The following INSYN2A variants were observed in gnomAD, a reference collection of about 807,000 sequenced individuals.
The protein encoded by INSYN2A is family with sequence similarity 196 member A.
A neutral mutation model predicts 39.4 loss-of-function variants in INSYN2A; 17 were observed. The observed-to-expected ratio is 0.43, with a 90% confidence interval of 0.30 to 0.65. The LOEUF is 0.65. Among genes scored for constraint, INSYN2A ranks in the 30% least tolerant of loss-of-function variants. The pLI is 0.14. For missense variants in INSYN2A, 595 were observed against 631.2 expected (o/e 0.94, Z 0.61); for synonymous variants, 255 against 265.7 (o/e 0.96, Z 0.39).
chr10:127,175,285 A>C lies in INSYN2A; in HGVS notation c.1111T>G (p.Ser371Ala). The C allele has an allele frequency of 6.2e-7, 1 of 1,613,854 alleles. No homozygotes were observed. The highest frequency in any genetic ancestry group is 8.5e-7 in the Non-Finnish European group (1 of 1,179,948). The stretch of plus-strand genomic sequence containing the variant: ...AGCACTTTGATGGTTTCTTGGCTTG[A>C]ACTGATCAAGTTCTCCATCATCTGA... ...QLQMMENLISSSQETIKVLLG... is the reference protein window; with the variant it reads ...QLQMMENLISASQETIKVLLG... Residue 371 changes from serine (S) to alanine (A), a missense_variant, in exon 4 of 6, where the codon TCA (serine) becomes GCA (alanine). By Grantham distance (99) the Ser-to-Ala change is moderately conservative. Transcript: ENST00000522781. The surrounding 1 kb of genome is among the most constrained non-coding windows in gnomAD (Gnocchi z 6.3).
intron 5 of INSYN2A, among the ~76,000 whole-genome samples, chr10:127,149,748 C>T (rs1239746992): frequency 1.3e-5 from 2 of 152,188 alleles, no homozygotes; most frequent in Admixed American, 6.5e-5. Context: ...GATGGCCCCA[C>T]GTGTTCTCAA....
intron 5 of INSYN2A, among the ~76,000 whole-genome samples, chr10:127,142,286 G>A (rs1223657910): frequency 6.6e-6 from 1 of 152,210 alleles, no homozygotes; most frequent in Non-Finnish European, 1.5e-5. Context: ...CCTTGTTGTG[G>A]TTTCTGAGGA....
intron 2 of INSYN2A, among the ~76,000 whole-genome samples, chr10:127,183,774 A>G (rs2055958830): frequency 6.6e-6 from 1 of 152,136 alleles, no homozygotes; most frequent in African/African-American, 2.4e-5. Context: ...AAATAAACAA[A>G]AGGTCTATAT....
At position 127,175,074 on chromosome 10, in the gene INSYN2A, C is replaced by T. The variant is rs1014267804; in HGVS notation, c.1184+138G>A. The T allele has an allele frequency of 2.3e-5, 17 of 726,752 alleles. No homozygotes were observed. The Admixed American group carries it at 2.7e-4, about 12-fold the overall frequency. The allele number at this position is 726,752 out of a possible 1,614,324, so 45.0% of individuals were successfully genotyped here. ...TAAAATAATCTGCGACCCCTTGGAG[C>T]TCGCCACGCCCTTAGACTATGACCT... On this transcript the variant is annotated intron_variant, in intron 4 of 5. Transcript: ENST00000522781. This position sits in a 1 kb window ranked among gnomAD's most constrained non-coding sequence, Gnocchi z 6.3.
At chr10:127,163,455 C>G (rs1040058345) in intron 4 of INSYN2A, among the ~76,000 whole-genome samples, 3 of 152,132 alleles carry the variant, frequency 2.0e-5, no homozygotes, top group Non-Finnish European at 4.4e-5. Context: ...GGCGGGCAAA[C>G]TTTCAGTGCC....
At chr10:127,148,142 T>C (rs2052099126) in intron 5 of INSYN2A, among the ~76,000 whole-genome samples, 1 of 149,970 alleles carries the variant, frequency 6.7e-6, no homozygotes, top group South Asian at 2.2e-4. Context: ...AAGCTCCCCC[T>C]CTCTGATGTC....
intron 2 of INSYN2A, among the ~76,000 whole-genome samples, chr10:127,186,117 A>G (rs534809570): frequency 6.6e-6 from 1 of 152,314 alleles, no homozygotes; most frequent in South Asian, 2.1e-4. Context: ...ACTGGCTTTC[A>G]GAGGGAAAAA....
intron 5 of INSYN2A, chr10:127,146,080 C>T (rs2051816995): frequency 1.9e-6 from 1 of 513,800 alleles, no homozygotes; most frequent in Non-Finnish European, 3.9e-6. Flanking sequence ...CCCGTATTTA[C>T]CCCCAGAAAA....
chr10:127,166,876 G>A (rs1589733644), intron 4 of INSYN2A, among the ~76,000 whole-genome samples: 1 of 151,740 alleles, frequency 6.6e-6, no homozygotes, highest in African/African-American at 2.4e-5. Context: ...TGGGCTGTCT[G>A]GATTGCCTAG....
intron 4 of INSYN2A, among the ~76,000 whole-genome samples, chr10:127,166,277 G>A (rs905002338): frequency 5.9e-5 from 9 of 152,088 alleles, no homozygotes; most frequent in Non-Finnish European, 8.8e-5. Context: ...GTGTTAGGCA[G>A]GATGGTCTCG....
At chr10:127,158,983 C>G (rs1483397306) in intron 4 of INSYN2A, among the ~76,000 whole-genome samples, 1 of 152,142 alleles carries the variant, frequency 6.6e-6, no homozygotes, top group Non-Finnish European at 1.5e-5. Flanking sequence ...TTTGGGGACC[C>G]TGGACCTCTC....
At chr10:127,144,770 G>T (rs908739224) in intron 5 of INSYN2A, among the ~76,000 whole-genome samples, 1 of 152,030 alleles carries the variant, frequency 6.6e-6, no homozygotes, top group Admixed American at 6.6e-5. Flanking sequence ...ATGATTCACC[G>T]TAACTTTGTA....
intron 4 of INSYN2A, among the ~76,000 whole-genome samples, chr10:127,163,134 G>C (rs1040004536): frequency 7.9e-5 from 12 of 152,208 alleles, no homozygotes; most frequent in African/African-American, 2.9e-4. Context: ...CTGATGATCA[G>C]ATGCACTTTC....
chr10:127,140,607 C>T (rs1362408573), intron 5 of INSYN2A, among the ~76,000 whole-genome samples: 1 of 152,182 alleles, frequency 6.6e-6, no homozygotes, highest in Non-Finnish European at 1.5e-5. Flanking sequence ...TGGGGAAGCA[C>T]ACCAAGTCTC....
intron 2 of INSYN2A, among the ~76,000 whole-genome samples, chr10:127,190,353 C>A (rs1410395376): frequency 6.6e-6 from 1 of 152,142 alleles, no homozygotes; most frequent in Non-Finnish European, 1.5e-5. Flanking sequence ...TTAATTCCTG[C>A]TACACAAAAA....
intron 4 of INSYN2A, among the ~76,000 whole-genome samples, chr10:127,171,372 A>C (rs1319879989): frequency 6.6e-6 from 1 of 152,242 alleles, no homozygotes; most frequent in Non-Finnish European, 1.5e-5. Context: ...AACATGTTCT[A>C]AGAAACATAC....
At chr10:127,190,913 G>T (rs558086261) in intron 2 of INSYN2A, among the ~76,000 whole-genome samples, 4 of 151,984 alleles carry the variant, frequency 2.6e-5, no homozygotes. Flanking sequence ...CCTCTGGTTT[G>T]CCTCTAGTTA....
chr10:127,169,483 G>A (rs2054368113), intron 4 of INSYN2A, among the ~76,000 whole-genome samples: 1 of 152,178 alleles, frequency 6.6e-6, no homozygotes. Context: ...TTAGCTGTAT[G>A]AATATGGTCA....
intron 4 of INSYN2A, among the ~76,000 whole-genome samples, chr10:127,174,618 T>C (rs1198164639): frequency 6.6e-6 from 1 of 152,224 alleles, no homozygotes; most frequent in East Asian, 1.9e-4. Flanking sequence ...TGTCTCCTAA[T>C]CATATACAGT....
Sources: allele counts gnomAD v4.1 joint callset (sites outside exome capture counted in the v4.1 genomes callset), GRCh38; gene constraint gnomAD v4.1.1; non-coding constraint Gnocchi (gnomAD v3.1); transcripts MANE v1.5; gene names NCBI Gene and HGNC (gene_info 2026-07-23, HGNC 2026-07-21).